TEX36: variants seen among roughly 807,000 people sequenced by gnomAD.
The protein encoded by TEX36 is testis-expressed protein 36.
In TEX36, 12 loss-of-function variants were observed where a neutral mutation model predicts 13.6. The ratio of observed to expected loss-of-function variants is 0.88; its 90% CI spans 0.56 to 1.43. The LOEUF (loss-of-function observed/expected upper bound fraction) is 1.43. TEX36 is among the 40% of genes most tolerant of loss of function. The probability of loss-of-function intolerance (pLI) is 0.00; values close to 1 mark genes in which losing one functional copy is unlikely to be tolerated. For synonymous variants in TEX36, 93 were observed against 83.0 expected (o/e 1.12, Z -0.65); for missense variants, 224 against 228.3 (o/e 0.98, Z 0.12).
downstream of TEX36, among the ~76,000 whole-genome samples, chr10:125,617,293 G>A (rs1204961094): frequency 3.3e-5 from 5 of 152,010 alleles, no homozygotes; most frequent in African/African-American, 1.2e-4. Context: ...TACATTTAAA[G>A]TTAATATTGT....
rs760105798 is a variant in TEX36, at chr10:125,661,756, A to C, written c.183+90T>G. ...GATAGTAAATGCGCAGTTTCTTACA[A>C]AGAAGAATTGTTTGGCCCAACGTGC... On this transcript the variant is annotated intron_variant, in intron 2 of 3. Coordinates refer to ENST00000368821, the MANE Select transcript of TEX36 (RefSeq NM_001128202.3). 1.7e-5 allele frequency: 26 copies of C among 1,490,176 alleles called. 1 individual carries two copies. The Admixed American group carries it at 4.2e-4, about 24-fold the overall frequency. 92.3% of individuals were successfully genotyped at this position (1,490,176 alleles called of 1,614,324 possible). A position where few individuals can be genotyped will look rare whatever the true frequency, so the allele number is the denominator to read the frequency against.
Position 125,683,090 on chromosome 10 carries a change from G to C in TEX36, c.-101C>G. The C allele has an allele frequency of 1.5e-6, 2 of 1,324,092 alleles. No homozygotes were observed. The highest frequency in any genetic ancestry group is 1.3e-5 in the South Asian group (1 of 79,450). The allele number at this position is 1,324,092 out of a possible 1,614,324, so 82.0% of individuals were successfully genotyped here. A position where few individuals can be genotyped will look rare whatever the true frequency, so the allele number is the denominator to read the frequency against. On this transcript the variant is annotated 5_prime_UTR_variant, in exon 1 of 4. Coordinates refer to ENST00000368821, the MANE Select transcript of TEX36 (RefSeq NM_001128202.3). Reference sequence around the variant, plus strand: ...TTCCTAAACTTCATAAGCTCTACACGTCTGGGAAGCTCCTCCTCCTCCTTG... The same window carrying C: ...TTCCTAAACTTCATAAGCTCTACACCTCTGGGAAGCTCCTCCTCCTCCTTG...
At chr10:125,653,477 G>A (rs1445482677), downstream of TEX36, among the ~76,000 whole-genome samples, 1 of 120,604 alleles carries the variant, frequency 8.3e-6, no homozygotes, top group Non-Finnish European at 1.6e-5. Context: ...TCACACACCA[G>A]AGCCTGTCAT....
intron 3 of TEX36, among the ~76,000 whole-genome samples, chr10:125,643,017 G>T (rs539265229): frequency 1.3e-5 from 2 of 152,212 alleles, no homozygotes; most frequent in Admixed American, 6.5e-5. Flanking sequence ...TGGCATGGAG[G>T]CAGTGAATTT....
intron 3 of TEX36, among the ~76,000 whole-genome samples, chr10:125,659,142 A>G (rs1228519131): frequency 6.6e-6 from 1 of 152,218 alleles, no homozygotes; most frequent in East Asian, 1.9e-4. Flanking sequence ...AAAATATACC[A>G]AACCCAAGTT....
chr10:125,621,400 A>G (rs1048872133), downstream of TEX36, among the ~76,000 whole-genome samples: 3 of 151,928 alleles, frequency 2.0e-5, no homozygotes, highest in Admixed American at 2.0e-4. Flanking sequence ...CTGACAGATG[A>G]GAGCTGATAT....
At position 125,672,884 on chromosome 10, in the gene TEX36, C is replaced by T. The variant is rs1297515088; in HGVS notation, c.51+10055G>A. 3.9e-5 allele frequency among the ~76,000 whole-genome samples: 6 copies of T among 152,252 alleles called. No individual in the cohort carries two copies. The East Asian group carries it at 9.6e-4, about 24-fold the overall frequency. On this transcript the variant is annotated intron_variant, in intron 1 of 3. Transcript: ENST00000368821. ...GATCCCTTTACCATTATTCAATGCC[C>T]TTCTCTGTCTTTTCTGATCTTTATT...
intron 3 of TEX36, among the ~76,000 whole-genome samples, chr10:125,583,932 T>C (rs1845913507): frequency 6.6e-6 from 1 of 152,100 alleles, no homozygotes; most frequent in Non-Finnish European, 1.5e-5. Context: ...AAAAGATATC[T>C]CTCCCCACCA....
At chr10:125,665,524 C>G (rs1847108063) in intron 1 of TEX36, among the ~76,000 whole-genome samples, 1 of 152,006 alleles carries the variant, frequency 6.6e-6, no homozygotes, top group Non-Finnish European at 1.5e-5. Context: ...GATATAAGTT[C>G]ATATTGGCTT....
rs1236126390 is a variant in TEX36 at position 125,599,754 on chromosome 10, G to A, written c.265-22880C>T. ...ATTGTATTTGTGCAAATACTACTTTGTGGCCCAATATTTCTGAATGCGCAA... is the reference window on the plus strand; with the variant it reads ...ATTGTATTTGTGCAAATACTACTTTATGGCCCAATATTTCTGAATGCGCAA... On this transcript the variant is annotated intron_variant, in intron 3 of 3. Transcript: ENST00000532135. 2.0e-5 allele frequency among the ~76,000 whole-genome samples: 3 copies of A among 152,228 alleles called. No individual in the cohort carries two copies. In the East Asian group the frequency reaches 5.8e-4, roughly 29 times the overall value.
In TEX36 at chr10:125,612,152, T is replaced by C. The variant is rs185791059; in HGVS notation, c.265-35278A>G. Among the ~76,000 whole-genome samples, 1,065 of 151,292 alleles carry C rather than the reference T, an allele frequency of 7.0e-3. 14 individuals carry two copies. The highest frequency in any genetic ancestry group is 0.025 in the African/African-American group (1,009 of 41,148). On this transcript the variant is annotated intron_variant, in intron 3 of 3. Transcript: ENST00000532135. ...CCAGGCTGGAGTGAGGTGGCAATCT[T>C]GGCTCACTGCAACCTCCACCACCTG... is the stretch of plus-strand genomic sequence containing the variant.
At chr10:125,603,196 C>T (rs1464376069) in intron 3 of TEX36, among the ~76,000 whole-genome samples, 1 of 152,234 alleles carries the variant, frequency 6.6e-6, no homozygotes, top group African/African-American at 2.4e-5. Context: ...AATAAAAGCA[C>T]CACCCCTCTC....
Position 125,642,516 on chromosome 10 carries a change from CTTTA to C in TEX36, c.264+18501_264+18504del, listed in dbSNP as rs927452468. On this transcript the variant is annotated intron_variant, in intron 3 of 3. Transcript: ENST00000526819. ...TGCGTGAAACATCATTTGATATTCT[CTTTA>C]TTTGTGTCATTTTTTTAAGATTTCA... Among the ~76,000 whole-genome samples, 8 of 152,170 alleles carry C rather than the reference CTTTA, an allele frequency of 5.3e-5. 1 individual carries two copies. The highest frequency in any genetic ancestry group is 1.9e-4 in the African/African-American group (8 of 41,530).
chr10:125,630,216 T>G (rs1167147910), intron 3 of TEX36, among the ~76,000 whole-genome samples: 1 of 152,192 alleles, frequency 6.6e-6, no homozygotes, highest in Non-Finnish European at 1.5e-5. Context: ...CTACTAGGGG[T>G]GCATAACAAG....
chr10:125,576,761 G>A, exon 4 of TEX36: 1 of 1,535,260 alleles, frequency 6.5e-7, no homozygotes, highest in East Asian at 2.4e-5. Context: ...ACACTGCAAG[G>A]AGGGGTGCAT....
chr10:125,609,720 G>C (rs866024543), intron 3 of TEX36, among the ~76,000 whole-genome samples: 7 of 152,142 alleles, frequency 4.6e-5, no homozygotes, highest in Admixed American at 2.6e-4. Context: ...TCTGTTGTGG[G>C]GACACACGTT....
At chr10:125,676,075 G>C (rs1847305945) in intron 1 of TEX36, among the ~76,000 whole-genome samples, 1 of 152,218 alleles carries the variant, frequency 6.6e-6, no homozygotes, top group Non-Finnish European at 1.5e-5. Flanking sequence ...CTGATGAAAA[G>C]AATGTATATT....
intron 3 of TEX36, among the ~76,000 whole-genome samples, chr10:125,601,353 A>G (rs1426842804): frequency 6.6e-6 from 1 of 152,262 alleles, no homozygotes; most frequent in African/African-American, 2.4e-5. Flanking sequence ...GGAAGTGGCA[A>G]TGCCAGGTTC....
At chr10:125,615,167 T>C (rs1328923702) in intron 3 of TEX36, among the ~76,000 whole-genome samples, 3 of 152,160 alleles carry the variant, frequency 2.0e-5, no homozygotes, top group Non-Finnish European at 4.4e-5. Context: ...GCTTATCAGC[T>C]TAAGGAGATT....
Sources: allele counts gnomAD v4.1 joint callset (sites outside exome capture counted in the v4.1 genomes callset), GRCh38; gene constraint gnomAD v4.1.1; transcripts MANE v1.5; gene names NCBI Gene and HGNC (gene_info 2026-07-23, HGNC 2026-07-21).